GPC5: variants seen among roughly 807,000 people sequenced by gnomAD.
GPC5 encodes the protein glypican 5.
A neutral mutation model predicts 53.9 loss-of-function variants in GPC5; 47 were observed. The ratio of observed to expected loss-of-function variants is 0.87; its 90% CI spans 0.69 to 1.11. The LOEUF (loss-of-function observed/expected upper bound fraction) is 1.11. Among genes scored for constraint, GPC5 ranks in the 50% most tolerant of loss-of-function variants. GPC5 has a pLI of 0.00. For synonymous variants in GPC5, 286 were observed against 263.3 expected (o/e 1.09, Z -0.84); for missense variants, 748 against 713.1 (o/e 1.05, Z -0.56).
intron 2 of GPC5, among the ~76,000 whole-genome samples, chr13:91,684,687 A>G (rs1288669690): frequency 1.3e-5 from 2 of 152,062 alleles, no homozygotes; most frequent in African/African-American, 4.8e-5. Context: ...TTTCACTCTT[A>G]CACCCACCCA....
In GPC5 at chr13:92,221,166, A is replaced by G. The variant is rs2042445636; in HGVS notation, c.1561+76177A>G. On this transcript the variant is annotated intron_variant, in intron 7 of 7. Coordinates refer to ENST00000377067, the MANE Select transcript of GPC5 (RefSeq NM_004466.6). ...TTGCTAGTTAATAAACTTCTGCCCT[A>G]TACTGCTAGGGTCAATTTACAATTG... Among the ~76,000 whole-genome samples the G allele has an allele frequency of 2.6e-5, 4 of 152,184 alleles. No homozygotes were observed. The South Asian group carries it at 6.2e-4, about 24-fold the overall frequency.
chr13:91,677,057 A>G (rs1278611145), intron 2 of GPC5, among the ~76,000 whole-genome samples: 4 of 152,224 alleles, frequency 2.6e-5, no homozygotes, highest in Non-Finnish European at 5.9e-5. Context: ...TGCAGTAATA[A>G]CAAGTGTGGA....
intron 2 of GPC5, among the ~76,000 whole-genome samples, chr13:91,539,126 C>T (rs1886732481): frequency 1.3e-5 from 2 of 152,180 alleles, no homozygotes; most frequent in African/African-American, 4.8e-5. Flanking sequence ...CACAACTGCT[C>T]ATTACATATT....
intron 1 of GPC5, among the ~76,000 whole-genome samples, chr13:91,433,364 C>A (rs1879650091): frequency 7.1e-6 from 1 of 140,648 alleles, no homozygotes; most frequent in Non-Finnish European, 1.5e-5. Flanking sequence ...CCCCACCCCA[C>A]AACAGGCCCC....
rs74108217 is a variant in GPC5 at position 92,030,687 on chromosome 13, A to G, written c.1402-114143A>G. Among the ~76,000 whole-genome samples, 155 of 152,290 alleles carry G rather than the reference A, an allele frequency of 1.0e-3. 2 individuals carry two copies. Among genetic ancestry groups the G allele is most frequent in the African/African-American group, 3.6e-3 (150 of 41,558 alleles). On this transcript the variant is annotated intron_variant, in intron 6 of 7. Coordinates refer to ENST00000377067, the MANE Select transcript of GPC5 (RefSeq NM_004466.6). ...ACATTCTCAGCATTCATATTGAGAC[A>G]GCCAAGTACAAAGAGGACCCTGAAG...
At position 91,649,913 on chromosome 13, in the gene GPC5, T is replaced by C. The variant is rs182112037; in HGVS notation, c.326-43274T>C. On this transcript the variant is annotated intron_variant, in intron 2 of 7. Coordinates refer to ENST00000377067, the MANE Select transcript of GPC5 (RefSeq NM_004466.6). ...ACTATGTTCAAATTTATAAAATACA[T>C]AGATTTTTTTAAAAATTTATTTTGA... Among the ~76,000 whole-genome samples the C allele has an allele frequency of 1.5e-3, 231 of 152,268 alleles. 3 individuals are homozygous for C. Among genetic ancestry groups the C allele is most frequent in the Admixed American group, 0.014 (211 of 15,298 alleles).
intron 6 of GPC5, among the ~76,000 whole-genome samples, chr13:92,057,480 C>G (rs371229151): frequency 3.2e-4 from 49 of 152,280 alleles, no homozygotes; most frequent in African/African-American, 1.1e-3. Context: ...TGTTACTCAG[C>G]AGTAGATAAG....
At chr13:91,831,310 T>C (rs2038655718) in intron 5 of GPC5, among the ~76,000 whole-genome samples, 1 of 151,586 alleles carries the variant, frequency 6.6e-6, no homozygotes, top group African/African-American at 2.4e-5. Context: ...CATTTTTACA[T>C]TTTTCTGTCT....
At chr13:91,460,298 CTT>C (rs773703323) in intron 2 of GPC5, among the ~76,000 whole-genome samples, 10 of 143,070 alleles carry the variant, frequency 7.0e-5, no homozygotes, top group African/African-American at 5.1e-5. Context: ...TCTTTGTTGT[CTT>C]TTTTTTTTTT....
chr13:92,044,799 T>C (rs1366831313), intron 6 of GPC5, among the ~76,000 whole-genome samples: 1 of 152,224 alleles, frequency 6.6e-6, no homozygotes, highest in Non-Finnish European at 1.5e-5. Flanking sequence ...TAATTCCTAG[T>C]ATTTTCCTAA....
chr13:92,217,173 G>A (rs1489647319), intron 7 of GPC5, among the ~76,000 whole-genome samples: 2 of 152,078 alleles, frequency 1.3e-5, no homozygotes, highest in African/African-American at 4.8e-5. Flanking sequence ...ATTCGCAATG[G>A]TTGTAAATTC....
At chr13:91,709,365 A>T (rs1220796885) in intron 3 of GPC5, among the ~76,000 whole-genome samples, 4 of 152,180 alleles carry the variant, frequency 2.6e-5, no homozygotes, top group Non-Finnish European at 4.4e-5. Flanking sequence ...TCTGGCCTTT[A>T]CCACCACTTT....
chr13:91,629,606 A>T (rs539094567), intron 2 of GPC5, among the ~76,000 whole-genome samples: 1 of 152,226 alleles, frequency 6.6e-6, no homozygotes, highest in East Asian at 1.9e-4. Flanking sequence ...TCACGCTATT[A>T]CACTCCAGCC....
chr13:92,474,769 C>T (rs2139425794), intron 7 of GPC5, among the ~76,000 whole-genome samples: 2 of 152,140 alleles, frequency 1.3e-5, no homozygotes, highest in South Asian at 4.2e-4. Context: ...AATCCCAAGT[C>T]AGGATTCTCT....
At chr13:92,862,488 C>T (rs1468822758) in intron 7 of GPC5, among the ~76,000 whole-genome samples, 1 of 151,988 alleles carries the variant, frequency 6.6e-6, no homozygotes, top group Non-Finnish European at 1.5e-5. Flanking sequence ...CCATCTGCCC[C>T]GTACTCTCAC....
chr13:91,444,995 T>C (rs1229642700), intron 1 of GPC5, among the ~76,000 whole-genome samples: 1 of 152,222 alleles, frequency 6.6e-6, no homozygotes, highest in Non-Finnish European at 1.5e-5. Context: ...ATTGAATGCC[T>C]TTTCCATCTT....
intron 7 of GPC5, among the ~76,000 whole-genome samples, chr13:92,708,878 T>TTTTTTTTTTC (rs1888038750): frequency 9.9e-6 from 1 of 101,266 alleles, no homozygotes; most frequent in Non-Finnish European, 2.0e-5. Context: ...TTTTTTTTTT[T>TTTTTTTTTTC]TTTTTTTTTT....
intron 2 of GPC5, among the ~76,000 whole-genome samples, chr13:91,577,126 C>G (rs1231564182): frequency 6.6e-6 from 1 of 152,014 alleles, no homozygotes; most frequent in Non-Finnish European, 1.5e-5. Flanking sequence ...TTCCTGTCTC[C>G]CTAGGCACTA....
chr13:92,213,852 G>A (rs1262637897), intron 7 of GPC5, among the ~76,000 whole-genome samples: 1 of 152,120 alleles, frequency 6.6e-6, no homozygotes, highest in African/African-American at 2.4e-5. Flanking sequence ...AGATTCAAGT[G>A]CCTTATAAAG....
Sources: gnomAD v4.1 joint callset for allele counts (sites outside exome capture counted in the v4.1 genomes callset) on GRCh38, gnomAD v4.1.1 for gene constraint, MANE v1.5 for transcripts, NCBI Gene and HGNC (gene_info 2026-07-23, HGNC 2026-07-21) for gene names.